YWHAE: variants seen among roughly 807,000 people sequenced by gnomAD.
The protein encoded by YWHAE is tyrosine 3-monooxygenase/tryptophan 5-monooxygenase activation protein epsilon, also known as 14-3-3 protein epsilon.
In YWHAE, 4 loss-of-function variants were observed where a neutral mutation model predicts 30.1. The observed-to-expected ratio is 0.13, with a 90% confidence interval of 0.07 to 0.30. The LOEUF is 0.30. YWHAE is among the 10% of genes least tolerant of loss of function. The probability of loss-of-function intolerance (pLI) is 1.00; values close to 1 mark genes in which losing one functional copy is unlikely to be tolerated. For missense variants in YWHAE, 121 were observed against 315.9 expected (o/e 0.38, Z 4.68); for synonymous variants, 118 against 111.8 (o/e 1.06, Z -0.35).
chr17:1,360,274 T>C (rs191958550), intron 4 of YWHAE, among the ~76,000 whole-genome samples: 1 of 152,218 alleles, frequency 6.6e-6, no homozygotes, highest in Non-Finnish European at 1.5e-5. Flanking sequence ...TCACAACTTT[T>C]TAAAAGTAAA....
chr17:1,355,359 C>T lies in YWHAE; in HGVS notation c.579-1012G>A, dbSNP rs113605909. ...TATTTTTAGCAGAGGCAGGGTTTCA[C>T]CGTGTTAGCCAGGATGGTCTTGATC... On this transcript the variant is annotated intron_variant, in intron 4 of 5. Transcript: ENST00000264335. Among the ~76,000 whole-genome samples the T allele has an allele frequency of 6.7e-3, 1,011 of 151,296 alleles. 15 individuals carry two copies. The highest frequency in any genetic ancestry group is 0.016 in the African/African-American group (672 of 41,220).
At chr17:1,379,544 T>C (rs906811038) in intron 1 of YWHAE, among the ~76,000 whole-genome samples, 1 of 152,184 alleles carries the variant, frequency 6.6e-6, no homozygotes, top group Non-Finnish European at 1.5e-5. Context: ...AACTATCAAC[T>C]ACACTAATTC....
intron 1 of YWHAE, among the ~76,000 whole-genome samples, chr17:1,379,741 A>G (rs2150866994): frequency 6.6e-6 from 1 of 152,336 alleles, no homozygotes; most frequent in East Asian, 1.9e-4. Context: ...TTATGAAGGA[A>G]GGAGTACTTG....
Position 1,400,136 on chromosome 17 carries a change from G to C in YWHAE, c.-26C>G. 2 of 1,613,820 alleles carry C rather than the reference G, an allele frequency of 1.2e-6. No homozygotes were observed. The highest frequency in any genetic ancestry group is 2.2e-5 in the South Asian group (2 of 91,080). On this transcript the variant is annotated 5_prime_UTR_variant, in exon 1 of 6. Transcript: ENST00000264335. The stretch of plus-strand genomic sequence containing the variant: ...AGCGGCAGCGGCTCCGGCAGGGTCT[G>C]CGCGACGGATGGAAGCGGATAGTGT...
At chr17:1,354,378 A>T (rs745652950) in intron 4 of YWHAE, 31 bp from the exon 5 acceptor site, 9 of 1,600,388 alleles carry the variant, frequency 5.6e-6, no homozygotes, top group Non-Finnish European at 6.8e-6. Flanking sequence ...GTGTTATAAA[A>T]ATTAAGTCCA....
intron 1 of YWHAE, among the ~76,000 whole-genome samples, chr17:1,368,271 G>C (rs1054036061): frequency 2.0e-5 from 3 of 152,016 alleles, no homozygotes; most frequent in Non-Finnish European, 2.9e-5. Flanking sequence ...CCAGCTACTC[G>C]AGGCTGAGGC....
rs189279344 is a variant in YWHAE, at chr17:1,370,016, C to T, written c.65-4958G>A. Among the ~76,000 whole-genome samples the T allele has an allele frequency of 3.7e-3, 563 of 151,814 alleles. 4 individuals are homozygous for T. Among genetic ancestry groups the T allele is most frequent in the African/African-American group, 0.012 (516 of 41,400 alleles). ...GATGGCTGCTGAAGGCTGGAGTGGC[C>T]GTGGCAAGACAATGAAGTCTGCCAT... On this transcript the variant is annotated intron_variant, in intron 1 of 5. Transcript: ENST00000264335.
In YWHAE at chr17:1,364,909, TTTC is replaced by T. The variant is rs760223333; in HGVS notation, c.211_213del (p.Glu71del). 1 of 1,614,132 alleles carries T rather than the reference TTTC, an allele frequency of 6.2e-7. No homozygotes were observed. Among genetic ancestry groups the T allele is most frequent in the Admixed American group, 1.7e-5 (1 of 60,022 alleles). On this transcript the variant is annotated inframe_deletion, in exon 2 of 6. Transcript: ENST00000264335. Reference sequence around the variant, plus strand: ...TTTAGCTTGTCTTCTCCTCCCTTGTTTTCTTCTTTCTGTTCAATGCTGCTGATT... The same window carrying T: ...TTTAGCTTGTCTTCTCCTCCCTTGTTTTCTTTCTGTTCAATGCTGCTGATT...
intron 1 of YWHAE, among the ~76,000 whole-genome samples, chr17:1,394,952 G>A (rs1481547239): frequency 6.6e-6 from 1 of 152,102 alleles, no homozygotes; most frequent in Non-Finnish European, 1.5e-5. Context: ...AGGTGACAGA[G>A]CAAGACTGTC....
intron 1 of YWHAE, among the ~76,000 whole-genome samples, chr17:1,371,631 C>T (rs1171799720): frequency 1.3e-5 from 2 of 152,162 alleles, no homozygotes; most frequent in East Asian, 3.8e-4. Context: ...CTGCATTAGT[C>T]CCTAAGAAGC....
At chr17:1,376,478 CT>C (rs760300525) in intron 1 of YWHAE, among the ~76,000 whole-genome samples, 2 of 152,158 alleles carry the variant, frequency 1.3e-5, no homozygotes, top group South Asian at 2.1e-4. Flanking sequence ...AGGTTCACCC[CT>C]CTCCCAAAAA....
intron 1 of YWHAE, among the ~76,000 whole-genome samples, chr17:1,394,085 T>C (rs1187209237): frequency 1.3e-5 from 2 of 152,120 alleles, no homozygotes; most frequent in East Asian, 1.9e-4. Flanking sequence ...CAGAGGTCTT[T>C]TGAGTGGCTG....
At chr17:1,360,191 A>C (rs2072841851) in intron 4 of YWHAE, among the ~76,000 whole-genome samples, 3 of 152,120 alleles carry the variant, frequency 2.0e-5, no homozygotes, top group Admixed American at 6.5e-5. Context: ...CGAACTCCTG[A>C]TCTCAGGTGA....
At chr17:1,392,975 G>A (rs925808735) in intron 1 of YWHAE, among the ~76,000 whole-genome samples, 2 of 151,948 alleles carry the variant, frequency 1.3e-5, no homozygotes, top group Non-Finnish European at 2.9e-5. Flanking sequence ...GGCCAAGTCT[G>A]ACAGATTGCT....
At position 1,390,514 on chromosome 17, in the gene YWHAE, T is replaced by C. The variant is rs578233539; in HGVS notation, c.64+9533A>G. Among the ~76,000 whole-genome samples, 32 of 152,298 alleles carry C rather than the reference T, an allele frequency of 2.1e-4. 1 individual carries two copies. In the South Asian group the frequency reaches 6.4e-3, roughly 31 times the overall value. On this transcript the variant is annotated intron_variant, in intron 1 of 5. Coordinates refer to ENST00000264335, the MANE Select transcript of YWHAE (RefSeq NM_006761.5). ...GATAAGAATGTTTCACAACAAATAG[T>C]ACCGACAAGTATTACACTTTACAGT...
intron 1 of YWHAE, among the ~76,000 whole-genome samples, chr17:1,391,087 AC>A (rs2073383125): frequency 1.3e-5 from 2 of 152,228 alleles, no homozygotes; most frequent in South Asian, 4.1e-4. Context: ...ATATTTTTAA[AC>A]ACAGAACTGG....
chr17:1,400,172 C>A lies in YWHAE; in HGVS notation c.-62G>T, dbSNP rs957676238. 6.3e-6 allele frequency: 10 copies of A among 1,594,632 alleles called. No homozygotes were observed. In the African/African-American group the frequency reaches 6.7e-5, roughly 11 times the overall value. On this transcript the variant is annotated 5_prime_UTR_variant, in exon 1 of 6. Transcript: ENST00000264335. ...GGAAGCGGATAGTGTCTCCGACTCT[C>A]TCAGCCTCTCGCTCCGCGTCCGGGC...
intron 1 of YWHAE, among the ~76,000 whole-genome samples, chr17:1,393,496 T>C (rs773510867): frequency 2.6e-5 from 4 of 152,186 alleles, no homozygotes; most frequent in East Asian, 1.9e-4. Context: ...AATGGTGCGA[T>C]GTGGGCTCAC....
intron 1 of YWHAE, among the ~76,000 whole-genome samples, chr17:1,398,307 G>A (rs1019770854): frequency 6.8e-6 from 1 of 147,272 alleles, no homozygotes; most frequent in Admixed American, 7.0e-5. Flanking sequence ...AGACAAAGCA[G>A]ACCTTGAGCT....
Sources: allele counts gnomAD v4.1 joint callset (sites outside exome capture counted in the v4.1 genomes callset), GRCh38; gene constraint gnomAD v4.1.1; transcripts MANE v1.5; gene names NCBI Gene and HGNC (gene_info 2026-07-23, HGNC 2026-07-21).